SSPN: variants seen among roughly 807,000 people sequenced by gnomAD.
The protein encoded by SSPN is K-ras oncogene-associated protein.
Under a neutral mutation model 19.1 loss-of-function variants are expected in SSPN, and 15 were observed. The observed-to-expected ratio is 0.78, with a 90% CI of 0.52 to 1.21. The LOEUF is 1.21. Among genes scored for constraint, SSPN ranks in the 50% most tolerant of loss-of-function variants. The pLI is 0.00. For missense variants in SSPN, 291 were observed against 314.0 expected (o/e 0.93, Z 0.55); for synonymous variants, 147 against 140.3 (o/e 1.05, Z -0.34).
Position 26,139,046 on chromosome 12 carries a change from T to C in SSPN, c.-31+16894T>C, listed in dbSNP as rs1281484667. Among the ~76,000 whole-genome samples the C allele has an allele frequency of 2.0e-5, 3 of 152,158 alleles. No individual in the cohort carries two copies. In the East Asian group the frequency reaches 5.8e-4, roughly 29 times the overall value. ...GCTGGTAAATGTTTAACTGGTTCTTTATGAAAAATGTAGGTGTGTGCCTGT... is the reference window on the plus strand; with the variant it reads ...GCTGGTAAATGTTTAACTGGTTCTTCATGAAAAATGTAGGTGTGTGCCTGT... On this transcript the variant is annotated intron_variant, in intron 1 of 2. Transcript: ENST00000538142.
intron 1 of SSPN, chr12:26,125,065 G>A: frequency 2.0e-6 from 1 of 489,716 alleles, no homozygotes; most frequent in Non-Finnish European, 3.7e-6. Flanking sequence ...TCGCCGGCCA[G>A]ACCAGCACCC....
chr12:26,234,086 A>G lies in SSPN; in HGVS notation c.*3010A>G, dbSNP rs1945262639. On this transcript the variant is annotated 3_prime_UTR_variant, in exon 3 of 3. Transcript: ENST00000242729. ...GAGGGGTTTCCAGCTTTACACTTCT[A>G]TAGGTTGTTCTGACAGTGAGAACAC... The G allele has an allele frequency of 1.3e-5, 2 of 152,154 alleles. No homozygotes were observed. The highest frequency in any genetic ancestry group is 2.9e-5 in the Non-Finnish European group (2 of 68,022). The allele number at this position is 152,154 out of a possible 1,614,324, so 9.4% of individuals were successfully genotyped here. A position where few individuals can be genotyped will look rare whatever the true frequency, so the allele number is the denominator to read the frequency against.
chr12:26,190,349 A>G (rs1944779553), upstream of SSPN, among the ~76,000 whole-genome samples: 3 of 152,340 alleles, frequency 2.0e-5, no homozygotes, highest in Admixed American at 2.0e-4. Flanking sequence ...AGGATACTCA[A>G]GCAGCCCTGT....
chr12:26,185,451 G>A (rs896350928), intron 1 of SSPN, among the ~76,000 whole-genome samples: 5 of 152,274 alleles, frequency 3.3e-5, no homozygotes, highest in South Asian at 4.1e-4. Context: ...CCAAAAAAAG[G>A]GTTGGGTATT....
chr12:26,217,954 A>G (rs1945073750), intron 1 of SSPN, among the ~76,000 whole-genome samples: 1 of 152,098 alleles, frequency 6.6e-6, no homozygotes, highest in Admixed American at 6.5e-5. Context: ...TGACCCAGCC[A>G]TCCCATTACT....
intron 1 of SSPN, among the ~76,000 whole-genome samples, chr12:26,208,652 C>T (rs1406591114): frequency 6.6e-6 from 1 of 151,834 alleles, no homozygotes; most frequent in Non-Finnish European, 1.5e-5. Context: ...TACTCCAAGG[C>T]CATAAAAATA....
rs551136748 is a variant in SSPN, at chr12:26,152,209, G to A, written c.-31+30057G>A. On this transcript the variant is annotated intron_variant, in intron 1 of 2. Coordinates refer to the SSPN transcript ENST00000538142. The stretch of plus-strand genomic sequence containing the variant: ...CCACCGTGGCTAATTTAAAGCAACC[G>A]ATGTGAGGCCACTGCTTGCAGGAAA... 3.4e-4 allele frequency among the ~76,000 whole-genome samples: 52 copies of A among 152,224 alleles called. 1 individual carries two copies. The South Asian group carries it at 0.01, about 30-fold the overall frequency.
At chr12:26,169,473 G>A (rs1201759007) in intron 1 of SSPN, among the ~76,000 whole-genome samples, 2 of 152,014 alleles carry the variant, frequency 1.3e-5, no homozygotes, top group Admixed American at 6.6e-5. Flanking sequence ...TATCAAAATA[G>A]GATTTTCAAA....
At chr12:26,171,817 A>C (rs1020093870) in intron 1 of SSPN, among the ~76,000 whole-genome samples, 3 of 152,232 alleles carry the variant, frequency 2.0e-5, no homozygotes, top group Non-Finnish European at 4.4e-5. Context: ...AAGAACATAA[A>C]GAGTTCCTAA....
intron 1 of SSPN, chr12:26,122,699 C>T (rs1408302736): frequency 6.4e-7 from 1 of 1,568,588 alleles, no homozygotes; most frequent in Non-Finnish European, 8.6e-7. Context: ...CCGGCGAGTC[C>T]TCCCCGGGAG....
At chr12:26,206,106 C>T (rs1486220161) in intron 1 of SSPN, among the ~76,000 whole-genome samples, 1 of 152,194 alleles carries the variant, frequency 6.6e-6, no homozygotes, top group Non-Finnish European at 1.5e-5. Flanking sequence ...CAAGACCTCC[C>T]TGAAGCTTTG....
chr12:26,142,497 A>G (rs1217261233), intron 1 of SSPN, among the ~76,000 whole-genome samples: 1 of 152,186 alleles, frequency 6.6e-6, no homozygotes, highest in African/African-American at 2.4e-5. Context: ...GTGACTGGAC[A>G]GAGAGTAGTA....
chr12:26,208,073 T>G (rs890475545), intron 1 of SSPN, among the ~76,000 whole-genome samples: 3 of 152,184 alleles, frequency 2.0e-5, no homozygotes, highest in African/African-American at 7.2e-5. Context: ...AAAATTTGTT[T>G]TCAAAAATGA....
At chr12:26,136,386 A>G (rs1210078157) in intron 1 of SSPN, among the ~76,000 whole-genome samples, 2 of 152,188 alleles carry the variant, frequency 1.3e-5, no homozygotes, top group Non-Finnish European at 2.9e-5. Context: ...CCTGAGTTTA[A>G]ATGCTGTTTT....
At chr12:26,227,002 C>T (rs1266777019) in intron 2 of SSPN, among the ~76,000 whole-genome samples, 1 of 152,080 alleles carries the variant, frequency 6.6e-6, no homozygotes, top group African/African-American at 2.4e-5. Flanking sequence ...ACCGCGCCTC[C>T]GCCCGCTGCG....
exon 1 of SSPN, chr12:26,122,033 T>C (rs1280108579): frequency 1.3e-6 from 2 of 1,548,168 alleles, no homozygotes; most frequent in Non-Finnish European, 1.7e-6. Flanking sequence ...CTTCTCACTC[T>C]GCTTGAACCT....
intron 1 of SSPN, among the ~76,000 whole-genome samples, chr12:26,130,915 G>GTTTTTTCTTTT (rs1944394080): frequency 6.7e-6 from 1 of 148,186 alleles, no homozygotes. Context: ...TTTTTTGCAA[G>GTTTTTTCTTTT]CTCCACCCAT....
intron 1 of SSPN, among the ~76,000 whole-genome samples, chr12:26,213,067 A>G (rs1945008330): frequency 6.6e-6 from 1 of 152,048 alleles, no homozygotes; most frequent in Non-Finnish European, 1.5e-5. Flanking sequence ...TGTGTTTTTT[A>G]AAAAAGTAAT....
chr12:26,198,166 T>TGGG (rs112034883), intron 1 of SSPN, among the ~76,000 whole-genome samples: 1 of 149,304 alleles, frequency 6.7e-6, no homozygotes, highest in African/African-American at 2.4e-5. Flanking sequence ...CTTTGAGTTT[T>TGGG]GGGGGGGGGT....
Sources: gnomAD v4.1 joint callset for allele counts (sites outside exome capture counted in the v4.1 genomes callset) on GRCh38, gnomAD v4.1.1 for gene constraint, MANE v1.5 for transcripts, NCBI Gene and HGNC (gene_info 2026-07-23, HGNC 2026-07-21) for gene names.